NBEA: variants seen among roughly 807,000 people sequenced by gnomAD.
The protein encoded by NBEA is neurobeachin, also known as lysosomal-trafficking regulator 2.
Under a neutral mutation model 343.4 loss-of-function variants are expected in NBEA, and 44 were observed. The ratio of observed to expected loss-of-function variants is 0.13; its 90% CI spans 0.10 to 0.16. NBEA has a LOEUF of 0.16. Among genes scored for constraint, NBEA ranks in the 10% least tolerant of loss-of-function variants. The pLI is 1.00. For synonymous variants in NBEA, 1,175 were observed against 1,238.7 expected, an observed-to-expected ratio of 0.95 and a Z score of 1.08; for missense variants, 2,555 against 3,631.3, an observed-to-expected ratio of 0.70 and a Z score of 7.62.
intron 1 of NBEA, among the ~76,000 whole-genome samples, chr13:35,031,998 G>A (rs567740309): frequency 2.7e-3 from 403 of 151,826 alleles, no homozygotes; most frequent in African/African-American, 8.7e-3. Context: ...TTTTATGGCT[G>A]CATAGTATTC....
intron 55 of NBEA, among the ~76,000 whole-genome samples, chr13:35,659,028 T>C (rs1479363842): frequency 6.6e-6 from 1 of 152,226 alleles, no homozygotes; most frequent in Non-Finnish European, 1.5e-5. Context: ...TAATCTACTC[T>C]AGCTTCCAAT....
chr13:35,040,813 T>A, intron 1 of NBEA, 120 bp from the exon 2 acceptor site: 1 of 793,634 alleles, frequency 1.3e-6, no homozygotes. Flanking sequence ...AAAATTAATT[T>A]TATACCAGAA....
At chr13:35,166,250 T>TA (rs2070018944) in intron 24 of NBEA, among the ~76,000 whole-genome samples, 2 of 152,204 alleles carry the variant, frequency 1.3e-5, no homozygotes, top group Admixed American at 1.3e-4. Flanking sequence ...TTCACATTAC[T>TA]AAATAGTTTT....
intron 31 of NBEA, among the ~76,000 whole-genome samples, chr13:35,201,229 C>G (rs1231950545): frequency 1.3e-5 from 2 of 152,050 alleles, no homozygotes; most frequent in Middle Eastern, 3.4e-3. Flanking sequence ...CCTCATTTCC[C>G]CAATGTTGTT....
chr13:35,082,216 C>T (rs1023187469), intron 10 of NBEA, among the ~76,000 whole-genome samples: 17 of 151,960 alleles, frequency 1.1e-4, no homozygotes, highest in African/African-American at 3.6e-4. Context: ...TGGTTTCCAG[C>T]TTCATCCATG....
chr13:35,574,324 T>G (rs1384647043), intron 45 of NBEA, among the ~76,000 whole-genome samples: 3 of 150,060 alleles, frequency 2.0e-5, no homozygotes, highest in Admixed American at 1.3e-4. Flanking sequence ...GTGATTAATT[T>G]CTCTTCTAGA....
chr13:35,604,958 T>C (rs2082225169), intron 47 of NBEA, among the ~76,000 whole-genome samples: 1 of 152,172 alleles, frequency 6.6e-6, no homozygotes. Context: ...AACCATCTGG[T>C]TCTACATCTG....
At chr13:35,516,803 C>A (rs113358530) in intron 41 of NBEA, among the ~76,000 whole-genome samples, 2 of 152,248 alleles carry the variant, frequency 1.3e-5, no homozygotes, top group Admixed American at 6.5e-5. Context: ...CTGTTCTAGG[C>A]ACTTTGTATA....
At position 35,354,295 on chromosome 13, in the gene NBEA, A is replaced by AC. The variant is rs1224592139; in HGVS notation, c.6179+1973dup. Among the ~76,000 whole-genome samples, 4 of 152,182 alleles carry AC rather than the reference A, an allele frequency of 2.6e-5. No individual in the cohort carries two copies. In the East Asian group the frequency reaches 7.7e-4, roughly 29 times the overall value. On this transcript the variant is annotated intron_variant, in intron 38 of 58. Transcript: ENST00000379939. The stretch of plus-strand genomic sequence containing the variant: ...GAATTGGGTTTATCTATTAATACTT[A>AC]CTTATATGTAGTCAGGACTGTAACA...
chr13:34,942,917 G>T lies in NBEA; in HGVS notation c.97G>T (p.Gly33Cys), dbSNP rs768442045. The change falls in exon 1 of 59, where the codon GGT (glycine) becomes TGT (cysteine). Residue 33 changes from glycine to cysteine, a missense_variant. By Grantham distance (159) the Gly-to-Cys change is radical. Transcript: ENST00000379939. Reference protein sequence around the residue: ...GAAGGGGGGSGGGGTGGSGMG... With the variant: ...GAAGGGGGGSCGGGTGGSGMG... ...CGCTGGCGGAGGCGGCGGGGGCAGC[G>T]GTGGTGGCGGCACCGGGGGCAGCGG... 2.0e-6 allele frequency: 3 copies of T among 1,516,478 alleles called. No individual in the cohort carries two copies. The highest frequency in any genetic ancestry group is 2.7e-6 in the Non-Finnish European group (3 of 1,130,270). 93.9% of individuals were successfully genotyped at this position (1,516,478 alleles called of 1,614,324 possible).
At chr13:35,602,368 T>C (rs1474018814) in intron 47 of NBEA, among the ~76,000 whole-genome samples, 3 of 152,202 alleles carry the variant, frequency 2.0e-5, no homozygotes, top group Non-Finnish European at 4.4e-5. Context: ...CCTCTGCTGC[T>C]TCAGCTACTT....
At chr13:35,294,213 C>T (rs1384736874) in intron 35 of NBEA, among the ~76,000 whole-genome samples, 1 of 150,372 alleles carries the variant, frequency 6.7e-6, no homozygotes, top group Non-Finnish European at 1.5e-5. Flanking sequence ...CTTCTAAAGA[C>T]AACACTTGTA....
intron 34 of NBEA, among the ~76,000 whole-genome samples, chr13:35,269,777 C>G (rs1006834386): frequency 9.2e-5 from 14 of 151,998 alleles, no homozygotes; most frequent in African/African-American, 3.4e-4. Context: ...GAAAAAGAAC[C>G]ATTGGAGATG....
At chr13:35,202,385 G>T (rs2073084840) in intron 31 of NBEA, among the ~76,000 whole-genome samples, 1 of 152,034 alleles carries the variant, frequency 6.6e-6, no homozygotes, top group Non-Finnish European at 1.5e-5. Context: ...GTAATCCCCT[G>T]TTAGTGCTCA....
At chr13:35,386,657 A>T (rs1042980586) in intron 38 of NBEA, among the ~76,000 whole-genome samples, 3 of 152,178 alleles carry the variant, frequency 2.0e-5, no homozygotes, top group African/African-American at 7.2e-5. Flanking sequence ...TTAAAATTCA[A>T]TGTTTTGGTT....
chr13:35,089,705 A>G (rs1593308699), intron 10 of NBEA, among the ~76,000 whole-genome samples: 1 of 139,948 alleles, frequency 7.1e-6, no homozygotes, highest in African/African-American at 2.7e-5. Context: ...TGTGGCACAT[A>G]TACACCATGG....
intron 21 of NBEA, among the ~76,000 whole-genome samples, chr13:35,157,771 A>G (rs1464144283): frequency 1.3e-5 from 2 of 152,086 alleles, no homozygotes; most frequent in African/African-American, 4.8e-5. Flanking sequence ...GTAAAATGAA[A>G]TAGTGAATTA....
intron 10 of NBEA, among the ~76,000 whole-genome samples, chr13:35,077,067 C>G (rs1727239883): frequency 6.6e-6 from 1 of 151,920 alleles, no homozygotes; most frequent in Admixed American, 6.6e-5. Context: ...CTTTTTCCAT[C>G]CAGGGGTGAG....
chr13:35,537,258 A>G (rs2078602882), intron 41 of NBEA, among the ~76,000 whole-genome samples: 1 of 152,078 alleles, frequency 6.6e-6, no homozygotes, highest in Admixed American at 6.6e-5. Context: ...CTCTGTTTAT[A>G]CTTCTGCTAC....
Sources: allele counts gnomAD v4.1 joint callset (sites outside exome capture counted in the v4.1 genomes callset), GRCh38; gene constraint gnomAD v4.1.1; transcripts MANE v1.5; gene names NCBI Gene and HGNC (gene_info 2026-07-23, HGNC 2026-07-21).